Variants in MGAT4C observed in about 807,000 individuals in gnomAD.
MGAT4C encodes the protein alpha-1,3-mannosyl-glycoprotein 4-beta-N-acetylglucosaminyltransferase C.
Under a neutral mutation model 40.1 loss-of-function variants are expected in MGAT4C, and 19 were observed. The observed-to-expected ratio is 0.47, with a 90% CI of 0.33 to 0.70. MGAT4C has a LOEUF of 0.70. Ranked by LOEUF, MGAT4C falls within the 30% of genes least tolerant of loss-of-function variation. The probability of loss-of-function intolerance (pLI) is 0.02; values close to 1 mark genes in which losing one functional copy is unlikely to be tolerated. For synonymous variants in MGAT4C, 181 were observed against 187.1 expected (o/e 0.97, Z 0.27); for missense variants, 491 against 563.2 (o/e 0.87, Z 1.30).
intron 1 of MGAT4C, among the ~76,000 whole-genome samples, chr12:86,836,834 C>T (rs899779251): frequency 1.3e-5 from 2 of 152,104 alleles, no homozygotes; most frequent in African/African-American, 2.4e-5. Context: ...CCATTGGTAT[C>T]ATCATTGGTA....
At chr12:86,046,138 A>G (rs930501322) in intron 2 of MGAT4C, among the ~76,000 whole-genome samples, 1 of 152,216 alleles carries the variant, frequency 6.6e-6, no homozygotes, top group Admixed American at 6.5e-5. Context: ...TGTTGAGAAC[A>G]TAAGATGTTG....
chr12:86,119,197 TC>T (rs1878940701), intron 1 of MGAT4C, among the ~76,000 whole-genome samples: 1 of 151,678 alleles, frequency 6.6e-6, no homozygotes, highest in African/African-American at 2.4e-5. Context: ...AAAATTATCT[TC>T]TTATTTTAAT....
At chr12:86,461,631 A>C (rs1957603768) in intron 2 of MGAT4C, among the ~76,000 whole-genome samples, 1 of 152,234 alleles carries the variant, frequency 6.6e-6, no homozygotes, top group Non-Finnish European at 1.5e-5. Context: ...CAATAGAAAG[A>C]AAATCCACAG....
At chr12:86,766,506 C>T (rs1349852319) in intron 1 of MGAT4C, among the ~76,000 whole-genome samples, 2 of 152,020 alleles carry the variant, frequency 1.3e-5, no homozygotes, top group African/African-American at 4.8e-5. Context: ...CTCAGCTCTG[C>T]ACCAAGCAGA....
At chr12:85,999,277 G>C (rs1349704931) in intron 2 of MGAT4C, among the ~76,000 whole-genome samples, 1 of 151,774 alleles carries the variant, frequency 6.6e-6, no homozygotes, top group Non-Finnish European at 1.5e-5. Flanking sequence ...ATTTGGGTGG[G>C]GACACAGCCA....
intron 2 of MGAT4C, among the ~76,000 whole-genome samples, chr12:86,549,022 A>G (rs1283878844): frequency 6.6e-6 from 1 of 152,148 alleles, no homozygotes; most frequent in Non-Finnish European, 1.5e-5. Flanking sequence ...ACAGGGTAAT[A>G]CTGCCTGCCT....
At chr12:86,456,143 T>G (rs1957508237) in intron 2 of MGAT4C, among the ~76,000 whole-genome samples, 1 of 152,144 alleles carries the variant, frequency 6.6e-6, no homozygotes, top group Non-Finnish European at 1.5e-5. Flanking sequence ...ATTGAGGATA[T>G]ATTTCACTAG....
At chr12:86,454,482 C>T (rs537450696) in intron 2 of MGAT4C, among the ~76,000 whole-genome samples, 9 of 152,168 alleles carry the variant, frequency 5.9e-5, no homozygotes, top group Middle Eastern at 3.4e-3. Context: ...CTGCCTCAGC[C>T]TCCCAAAATG....
chr12:86,565,139 C>T (rs1453346386), intron 2 of MGAT4C, among the ~76,000 whole-genome samples: 1 of 152,160 alleles, frequency 6.6e-6, no homozygotes, highest in Non-Finnish European at 1.5e-5. Flanking sequence ...AACTGCCTAT[C>T]ATTAAGTGGG....
At chr12:86,603,370 A>G (rs1013924219) in intron 2 of MGAT4C, among the ~76,000 whole-genome samples, 1 of 131,648 alleles carries the variant, frequency 7.6e-6, no homozygotes, top group African/African-American at 2.9e-5. Flanking sequence ...TATATGCTAT[A>G]TACTATATAT....
chr12:86,743,074 ATGTGTGTATG>A (rs1453633689), intron 1 of MGAT4C, among the ~76,000 whole-genome samples: 3 of 144,526 alleles, frequency 2.1e-5, no homozygotes, highest in Admixed American at 7.0e-5. Context: ...GTGTGTATGC[ATGTGTGTATG>A]TGTGTATGTG....
chr12:86,576,589 A>C (rs1481982206), intron 2 of MGAT4C, among the ~76,000 whole-genome samples: 2 of 151,856 alleles, frequency 1.3e-5, no homozygotes, highest in South Asian at 4.1e-4. Context: ...TCATTTCCCC[A>C]GTGTATGTTC....
chr12:86,434,553 A>T (rs1957103527), intron 3 of MGAT4C, among the ~76,000 whole-genome samples: 1 of 152,016 alleles, frequency 6.6e-6, no homozygotes, highest in African/African-American at 2.4e-5. Flanking sequence ...AGCACATTAC[A>T]GGCTGAAGAA....
At chr12:86,247,145 C>A (rs1333547959) in intron 1 of MGAT4C, among the ~76,000 whole-genome samples, 2 of 152,182 alleles carry the variant, frequency 1.3e-5, no homozygotes, top group Admixed American at 1.3e-4. Flanking sequence ...AATGCACAAT[C>A]TGTTCTCTTA....
At chr12:86,672,120 A>C (rs1435771702) in intron 2 of MGAT4C, among the ~76,000 whole-genome samples, 4 of 152,076 alleles carry the variant, frequency 2.6e-5, no homozygotes, top group African/African-American at 9.7e-5. Context: ...CTAGAAATTA[A>C]AATCACAAGG....
chr12:86,126,481 T>A (rs1880285544), intron 1 of MGAT4C, among the ~76,000 whole-genome samples: 2 of 152,098 alleles, frequency 1.3e-5, no homozygotes, highest in African/African-American at 4.8e-5. Context: ...ACACCAAGAA[T>A]AAACATATTT....
chr12:86,248,445 C>T (rs1952134182), intron 1 of MGAT4C, among the ~76,000 whole-genome samples: 1 of 151,928 alleles, frequency 6.6e-6, no homozygotes, highest in Non-Finnish European at 1.5e-5. Context: ...ATCTCCACCT[C>T]CCTAATGCCC....
At chr12:86,122,655 G>T (rs957980817) in intron 1 of MGAT4C, among the ~76,000 whole-genome samples, 40 of 152,100 alleles carry the variant, frequency 2.6e-4, no homozygotes, top group African/African-American at 9.4e-4. Flanking sequence ...GATGGAAATG[G>T]TTCTATTAAG....
intron 2 of MGAT4C, among the ~76,000 whole-genome samples, chr12:86,545,986 C>G (rs1592972401): frequency 6.6e-6 from 1 of 151,614 alleles, no homozygotes; most frequent in South Asian, 2.1e-4. Context: ...ATAAAATTAC[C>G]AGAAACATTT....
Sources: gnomAD v4.1 joint callset for allele counts (sites outside exome capture counted in the v4.1 genomes callset) on GRCh38, gnomAD v4.1.1 for gene constraint, MANE v1.5 for transcripts, NCBI Gene and HGNC (gene_info 2026-07-23, HGNC 2026-07-21) for gene names.